STOX2: variants seen among roughly 807,000 people sequenced by gnomAD.
STOX2 encodes the protein storkhead-box protein 2.
Under a neutral mutation model 60.9 loss-of-function variants are expected in STOX2, and 28 were observed. The observed-to-expected ratio is 0.46, with a 90% CI of 0.34 to 0.63. STOX2 has a LOEUF of 0.63. STOX2 is among the 30% of genes least tolerant of loss of function. STOX2 has a pLI of 0.01. For synonymous variants in STOX2, 472 were observed against 463.9 expected (o/e 1.02, Z -0.22); for missense variants, 1,024 against 1,187.7 (o/e 0.86, Z 2.03).
At position 183,821,487 on chromosome 4, in the gene STOX2, A is replaced by G. The variant is rs991404325; in HGVS notation, c.364+23432A>G. Among the ~76,000 whole-genome samples the G allele has an allele frequency of 6.6e-6, 1 of 152,246 alleles. No individual in the cohort carries two copies. Among genetic ancestry groups the G allele is most frequent in the Non-Finnish European group, 1.5e-5 (1 of 68,038 alleles). ...TTCTACCTGCTGGATATTTTCACCC[A>G]TGACCCTTAAGAGAATGCGGGTGAT... On this transcript the variant is annotated intron_variant, in intron 1 of 2. Coordinates refer to the STOX2 transcript ENST00000513034. The surrounding 1 kb of genome is among the most constrained non-coding windows in gnomAD (Gnocchi z 4.2).
At chr4:183,952,137 G>C (rs1225216614) in intron 1 of STOX2, among the ~76,000 whole-genome samples, 1 of 152,174 alleles carries the variant, frequency 6.6e-6, no homozygotes, top group Non-Finnish European at 1.5e-5. Context: ...CAAAAGGCAA[G>C]AGAAGCAAGT....
rs149833480 is a variant in STOX2, at chr4:183,822,427, T to A, written c.364+24372T>A. On this transcript the variant is annotated intron_variant, in intron 1 of 2. Coordinates refer to the STOX2 transcript ENST00000513034. ...GTTGTGATTACATTGTTATATATAA[T>A]GAAATAATTATACACTCACCATCAT... Among the ~76,000 whole-genome samples the A allele has an allele frequency of 1.5e-3, 229 of 152,308 alleles. 3 individuals carry two copies. Among genetic ancestry groups the A allele is most frequent in the African/African-American group, 5.1e-3 (211 of 41,574 alleles).
At chr4:183,928,752 C>T (rs1263917000) in intron 1 of STOX2, among the ~76,000 whole-genome samples, 1 of 151,884 alleles carries the variant, frequency 6.6e-6, no homozygotes, top group East Asian at 1.9e-4. Context: ...TTGCAGTGAG[C>T]CGAGATCACA....
At chr4:183,967,783 T>C (rs1413727321) in intron 1 of STOX2, among the ~76,000 whole-genome samples, 1 of 152,184 alleles carries the variant, frequency 6.6e-6, no homozygotes, top group Non-Finnish European at 1.5e-5. Context: ...AAAAATGTAG[T>C]GCCACGAAAG....
At chr4:183,931,539 G>A (rs1202604855) in intron 1 of STOX2, among the ~76,000 whole-genome samples, 1 of 152,144 alleles carries the variant, frequency 6.6e-6, no homozygotes, top group Non-Finnish European at 1.5e-5. Context: ...GTTGCGAAGT[G>A]TCTAGGAACA....
Position 184,010,605 on chromosome 4 carries a change from C to T in STOX2, c.1767C>T (p.Asn589=). Residue 589 remains asparagine, a synonymous_variant, in exon 3 of 4, where the codon AAC becomes AAT. Transcript: ENST00000308497. The surrounding 1 kb of genome is among the most constrained non-coding windows in gnomAD (Gnocchi z 4.5). ...PESLPSYGEL[N]SCPTKTATDD... ...GTTTGCCATCCTATGGCGAACTCAA[C>T]TCTTGTCCAACAAAAACAGCCACAG... The T allele has an allele frequency of 2.5e-6, 4 of 1,614,032 alleles. No homozygotes were observed. Among genetic ancestry groups the T allele is most frequent in the Non-Finnish European group, 3.4e-6 (4 of 1,179,902 alleles).
chr4:183,982,456 T>C (rs1470626223), intron 1 of STOX2, among the ~76,000 whole-genome samples: 2 of 152,268 alleles, frequency 1.3e-5, no homozygotes, highest in Non-Finnish European at 2.9e-5. Flanking sequence ...ACTTTCTGTT[T>C]TCCAAACTGC....
At chr4:183,931,521 A>G (rs1466348168) in intron 1 of STOX2, among the ~76,000 whole-genome samples, 2 of 152,312 alleles carry the variant, frequency 1.3e-5, no homozygotes, top group East Asian at 3.9e-4. Flanking sequence ...TATGCAAGCA[A>G]TATATTAGTT....
chr4:184,003,065 T>G (rs928155601), intron 2 of STOX2, among the ~76,000 whole-genome samples: 7 of 152,188 alleles, frequency 4.6e-5, no homozygotes, highest in African/African-American at 1.4e-4. Context: ...CTTTTAGTAG[T>G]GAGAGAAACA....
At chr4:184,016,389 A>G (rs1278155839) in intron 3 of STOX2, 2 of 152,452 alleles carry the variant, frequency 1.3e-5, no homozygotes, top group African/African-American at 4.8e-5. Context: ...AAACAAAAAC[A>G]AAAACAAAAA....
At chr4:184,008,718 G>A (rs2062672184) in intron 2 of STOX2, among the ~76,000 whole-genome samples, 1 of 152,144 alleles carries the variant, frequency 6.6e-6, no homozygotes, top group Non-Finnish European at 1.5e-5. Context: ...CTCCATATAT[G>A]TTAGATATGT....
intron 1 of STOX2, among the ~76,000 whole-genome samples, chr4:183,940,856 T>C (rs1024480935): frequency 1.3e-5 from 2 of 152,250 alleles, no homozygotes; most frequent in East Asian, 3.8e-4. Flanking sequence ...TTTAAAGTTT[T>C]ATTTTACAAT....
chr4:184,003,477 T>A (rs1488216791), intron 2 of STOX2, among the ~76,000 whole-genome samples: 1 of 152,228 alleles, frequency 6.6e-6, no homozygotes, highest in Non-Finnish European at 1.5e-5. Context: ...AGGCCCTGGT[T>A]TTCAGACAGA....
chr4:183,981,334 A>G (rs1268242454), intron 1 of STOX2, among the ~76,000 whole-genome samples: 1 of 152,146 alleles, frequency 6.6e-6, no homozygotes, highest in East Asian at 1.9e-4. Flanking sequence ...GCGTCTTCAC[A>G]GTAGAATCTA....
chr4:184,010,017 T>C lies in STOX2; in HGVS notation c.1179T>C (p.Ala393=), dbSNP rs757415205. ...PSDGSHLDIP[A]EREYDFCDPL... is the part of the protein sequence containing the mutation. ...ACGGTTCACATCTGGATATCCCAGC[T>C]GAAAGAGAGTATGACTTTTGTGATC... Residue 393 remains alanine, a synonymous_variant, in exon 3 of 4, where the codon GCT becomes GCC. Transcript: ENST00000308497. This position sits in a 1 kb window ranked among gnomAD's most constrained non-coding sequence, Gnocchi z 4.5. 6.2e-7 allele frequency: 1 copy of C among 1,613,872 alleles called. No homozygotes were observed. The highest frequency in any genetic ancestry group is 1.7e-5 in the Admixed American group (1 of 60,018).
Position 184,010,287 on chromosome 4 carries a change from A to C in STOX2, c.1449A>C (p.Arg483Ser). 6.3e-7 allele frequency: 1 copy of C among 1,590,802 alleles called. No homozygotes were observed. Among genetic ancestry groups the C allele is most frequent in the African/African-American group, 1.3e-5 (1 of 74,398 alleles). The part of the protein sequence containing the change: ...HTQDRRSRNE[R>S]SNKAKERSRS... ...AGGACCGGAGGTCCAGGAATGAGAGATCCAACAAAGCCAAGGAGAGATCCA... is the reference window on the plus strand; with the variant it reads ...AGGACCGGAGGTCCAGGAATGAGAGCTCCAACAAAGCCAAGGAGAGATCCA... The change falls in exon 3 of 4, where the codon AGA becomes AGC. Residue 483 changes from arginine to serine, a missense_variant. By Grantham distance (110) the Arg-to-Ser change is moderately radical (BLOSUM62 -1). Transcript: ENST00000308497. This position sits in a 1 kb window ranked among gnomAD's most constrained non-coding sequence, Gnocchi z 4.5.
At chr4:183,934,235 G>A (rs1019018945) in intron 1 of STOX2, among the ~76,000 whole-genome samples, 3 of 152,084 alleles carry the variant, frequency 2.0e-5, no homozygotes, top group Non-Finnish European at 2.9e-5. Flanking sequence ...CCCAGGAGGC[G>A]GAGGTTGTAG....
At position 183,865,627 on chromosome 4, in the gene STOX2, T is replaced by A. The variant is rs1363528238; in HGVS notation, c.364+67572T>A. ...CAGGACCGTAGATAGAAAGAATTTA[T>A]GGGATGTAAAGAAAAAAATTCACTG... is the stretch of plus-strand genomic sequence containing the variant. On this transcript the variant is annotated intron_variant, in intron 1 of 2. Transcript: ENST00000513034. The surrounding 1 kb of genome is among the most constrained non-coding windows in gnomAD (Gnocchi z 4.1). Among the ~76,000 whole-genome samples, 1 of 152,136 alleles carries A rather than the reference T, an allele frequency of 6.6e-6. No homozygotes were observed. Among genetic ancestry groups the A allele is most frequent in the Non-Finnish European group, 1.5e-5 (1 of 68,030 alleles).
chr4:183,864,703 C>G (rs1490566187), intron 1 of STOX2, among the ~76,000 whole-genome samples: 1 of 152,104 alleles, frequency 6.6e-6, no homozygotes, highest in Non-Finnish European at 1.5e-5. Flanking sequence ...CAAATGGACT[C>G]TTTTTATGTA....
Sources: gnomAD v4.1 joint callset for allele counts (sites outside exome capture counted in the v4.1 genomes callset) on GRCh38, gnomAD v4.1.1 for gene constraint, Gnocchi (gnomAD v3.1) non-coding constraint, MANE v1.5 for transcripts, NCBI Gene and HGNC (gene_info 2026-07-23, HGNC 2026-07-21) for gene names.